Variants in CLIP2 observed in about 807,000 individuals in gnomAD.
CLIP2 encodes the protein CAP-Gly domain-containing linker protein 2.
Under a neutral mutation model 111.7 loss-of-function variants are expected in CLIP2, and 41 were observed. That is an observed-to-expected ratio of 0.37 (90% CI 0.29 to 0.48). The LOEUF is 0.48. Ranked by LOEUF, CLIP2 falls within the 20% of genes least tolerant of loss-of-function variation. The pLI is 0.99. For missense variants in CLIP2, 1,160 were observed against 1,422.1 expected (o/e 0.82, Z 2.96); for synonymous variants, 660 against 644.2 (o/e 1.02, Z -0.37).
At chr7:74,347,529 A>G (rs1584347520) in intron 3 of CLIP2, among the ~76,000 whole-genome samples, 1 of 152,084 alleles carries the variant, frequency 6.6e-6, no homozygotes, top group South Asian at 2.1e-4. Flanking sequence ...CGGCCTCCCA[A>G]AGTGCTGGGA....
chr7:74,356,315 T>G, intron 4 of CLIP2, 95 bp from the exon 5 acceptor site: 2 of 1,039,350 alleles, frequency 1.9e-6, no homozygotes, highest in Non-Finnish European at 3.0e-6. Flanking sequence ...TGTCTTTCTC[T>G]CTTTCTGCCA....
chr7:74,290,451 C>T lies in CLIP2; in HGVS notation c.-68+717C>T, dbSNP rs117820878. Among the ~76,000 whole-genome samples the T allele has an allele frequency of 6.4e-3, 975 of 152,358 alleles. 4 individuals carry two copies. The highest frequency in any genetic ancestry group is 0.011 in the Non-Finnish European group (748 of 68,028). ...GATGCTTGGCTGAACCTTCAGGGCC[C>T]GCCCGTTTGGACCTTTCAGGCAGAG... is the stretch of plus-strand genomic sequence containing the variant. On this transcript the variant is annotated intron_variant, in intron 1 of 16. Coordinates refer to ENST00000223398, the MANE Select transcript of CLIP2 (RefSeq NM_003388.5).
chr7:74,387,022 C>CAAAAA (rs35422612), intron 12 of CLIP2, among the ~76,000 whole-genome samples: 1 of 70,060 alleles, frequency 1.4e-5, no homozygotes, highest in Admixed American at 1.6e-4. Flanking sequence ...GACTCCATCT[C>CAAAAA]AAAAAAAAAA....
At chr7:74,352,013 C>A (rs1790018008) in intron 3 of CLIP2, among the ~76,000 whole-genome samples, 1 of 152,206 alleles carries the variant, frequency 6.6e-6, no homozygotes, top group Non-Finnish European at 1.5e-5. Flanking sequence ...GCCAGCCCAG[C>A]TGGGAGTGGG....
intron 4 of CLIP2, 147 bp from the exon 5 acceptor site, chr7:74,356,263 A>G (rs1306110689): frequency 2.9e-6 from 2 of 690,664 alleles, no homozygotes; most frequent in Admixed American, 4.9e-5. Flanking sequence ...CACCTGGAAG[A>G]TTTCCACCTT....
Position 74,325,080 on chromosome 7 carries a change from C to T in CLIP2, c.121+7413C>T, listed in dbSNP as rs188475289. On this transcript the variant is annotated intron_variant, in intron 2 of 16. Coordinates refer to ENST00000223398, the MANE Select transcript of CLIP2 (RefSeq NM_003388.5). ...AGCACGCTGGAGTCTGCTCTGGGAA[C>T]GGGGTTGTGGCTGCCTCCCAAAACA... Among the ~76,000 whole-genome samples the T allele has an allele frequency of 2.4e-3, 366 of 152,252 alleles. 1 individual carries two copies. Among genetic ancestry groups the T allele is most frequent in the African/African-American group, 8.1e-3 (335 of 41,558 alleles).
intron 2 of CLIP2, among the ~76,000 whole-genome samples, chr7:74,319,426 T>C (rs1390740758): frequency 6.6e-6 from 1 of 152,004 alleles, no homozygotes; most frequent in Non-Finnish European, 1.5e-5. Context: ...GAGAATCGGT[T>C]GGACTTAGGA....
rs532039201 is a variant in CLIP2, at chr7:74,403,421, T to C, written c.3130-416T>C. ...CCATCTCTACTAAAAATACAAAAAT[T>C]AGCTGGGCATGGTGGCGCATGCCTG... On this transcript the variant is annotated intron_variant, in intron 16 of 16. Coordinates refer to ENST00000223398, the MANE Select transcript of CLIP2 (RefSeq NM_003388.5). 1.4e-4 allele frequency among the ~76,000 whole-genome samples: 21 copies of C among 145,724 alleles called. 1 individual carries two copies. In the South Asian group the frequency reaches 4.6e-3, roughly 32 times the overall value.
chr7:74,334,137 C>G (rs1198090710), intron 2 of CLIP2, among the ~76,000 whole-genome samples: 1 of 152,174 alleles, frequency 6.6e-6, no homozygotes, highest in African/African-American at 2.4e-5. Flanking sequence ...CCTGGCCAAG[C>G]CAGTATGTCA....
intron 12 of CLIP2, among the ~76,000 whole-genome samples, chr7:74,387,448 G>A (rs1008585270): frequency 1.3e-5 from 2 of 152,036 alleles, no homozygotes; most frequent in Admixed American, 6.6e-5. Flanking sequence ...ATGGGGTTTC[G>A]CCATGTTGGC....
In CLIP2 at chr7:74,338,695, G is replaced by T. The variant is rs112969082; in HGVS notation, c.369G>T (p.Ala123=). 4 of 1,584,216 alleles carry T rather than the reference G, an allele frequency of 2.5e-6. No homozygotes were observed. The highest frequency in any genetic ancestry group is 1.3e-5 in the African/African-American group (1 of 74,400). The part of the protein sequence containing the change: ...LDDPVGKNDG[A]VGGVRYFECP... Reference sequence around the variant, plus strand: ...ACCCGGTGGGCAAGAATGATGGCGCGGTGGGCGGCGTGCGCTACTTCGAGT... The same window carrying T: ...ACCCGGTGGGCAAGAATGATGGCGCTGTGGGCGGCGTGCGCTACTTCGAGT... Residue 123 remains alanine (A), a synonymous_variant, in exon 3 of 17, where the codon GCG becomes GCT. Coordinates refer to ENST00000223398, the MANE Select transcript of CLIP2 (RefSeq NM_003388.5). The surrounding 1 kb of genome is among the most constrained non-coding windows in gnomAD (Gnocchi z 4.3).
chr7:74,375,268 A>T (rs1244184190), intron 9 of CLIP2, among the ~76,000 whole-genome samples: 2 of 150,676 alleles, frequency 1.3e-5, no homozygotes, highest in African/African-American at 4.9e-5. Flanking sequence ...AAAAAAAAAA[A>T]TGCTGGGCGG....
intron 11 of CLIP2, chr7:74,386,316 A>G: frequency 2.3e-6 from 1 of 434,010 alleles, no homozygotes. Flanking sequence ...CTGGGATTAC[A>G]GGCATGAGCC....
rs782253519 is a variant in CLIP2 at position 74,380,929 on chromosome 7, T to C, written c.2479+66T>C. ...AAGAGGCTGGCTGGCTCTGCCTTCCTGCTGGGTCACATTTTGGTTTGCATC... is the reference window on the plus strand; with the variant it reads ...AAGAGGCTGGCTGGCTCTGCCTTCCCGCTGGGTCACATTTTGGTTTGCATC... On this transcript the variant is annotated intron_variant, in intron 11 of 16. Coordinates refer to ENST00000223398, the MANE Select transcript of CLIP2 (RefSeq NM_003388.5). 4 of 1,498,744 alleles carry C rather than the reference T, an allele frequency of 2.7e-6. No individual in the cohort carries two copies. In the East Asian group the frequency reaches 9.0e-5, roughly 34 times the overall value. The allele number at this position is 1,498,744 out of a possible 1,614,324, so 92.8% of individuals were successfully genotyped here. A position where few individuals can be genotyped will look rare whatever the true frequency, so the allele number is the denominator to read the frequency against.
At position 74,324,818 on chromosome 7, in the gene CLIP2, GAAA is replaced by G. The variant is rs11318033; in HGVS notation, c.121+7169_121+7171del. On this transcript the variant is annotated intron_variant, in intron 2 of 16. Coordinates refer to ENST00000223398, the MANE Select transcript of CLIP2 (RefSeq NM_003388.5). ...TTTTGTTCCTGTTCCAAGATCTTGA[GAAA>G]AAAAAAAAAAAAAAAAAGCCTCTGG... Among the ~76,000 whole-genome samples the G allele has an allele frequency of 6.4e-3, 612 of 95,164 alleles. 4 individuals are homozygous for G. Among genetic ancestry groups the G allele is most frequent in the African/African-American group, 0.025 (592 of 23,562 alleles). The allele number at this position is 95,164 out of a possible 152,430, so 62.4% of individuals were successfully genotyped here.
At chr7:74,348,878 G>A (rs1301647488) in intron 3 of CLIP2, among the ~76,000 whole-genome samples, 2 of 151,948 alleles carry the variant, frequency 1.3e-5, no homozygotes, top group African/African-American at 4.8e-5. Context: ...CAGGCGTGAT[G>A]GCTCATGCCT....
chr7:74,339,053 C>T, intron 3 of CLIP2, 49 bp downstream of exon 3: 1 of 1,531,990 alleles, frequency 6.5e-7, no homozygotes, highest in African/African-American at 1.4e-5. Context: ...CTTCCCTCCC[C>T]TGCTCCGCCC....
chr7:74,359,604 C>G (rs111585209), intron 6 of CLIP2, among the ~76,000 whole-genome samples: 99 of 152,284 alleles, frequency 6.5e-4, no homozygotes, highest in African/African-American at 2.2e-3. Flanking sequence ...ATCCGCCCGC[C>G]TTGGCCTCCC....
chr7:74,367,921 T>C (rs1554311091), intron 8 of CLIP2, among the ~76,000 whole-genome samples: 2 of 151,402 alleles, frequency 1.3e-5, no homozygotes, highest in African/African-American at 4.9e-5. Context: ...TACAAAAATA[T>C]TTTTTAAAAA....
Sources: allele counts gnomAD v4.1 joint callset (sites outside exome capture counted in the v4.1 genomes callset), GRCh38; gene constraint gnomAD v4.1.1; non-coding constraint Gnocchi (gnomAD v3.1); transcripts MANE v1.5; gene names NCBI Gene and HGNC (gene_info 2026-07-23, HGNC 2026-07-21).